Variants in FBXL13 observed in about 807,000 individuals in gnomAD.
FBXL13 encodes the protein F-box and leucine-rich repeat protein 13.
Under a neutral mutation model 83.6 loss-of-function variants are expected in FBXL13, and 67 were observed. The observed-to-expected ratio is 0.80, with a 90% CI of 0.66 to 0.98. The LOEUF is 0.98. FBXL13 is among the 50% of genes least tolerant of loss of function. The pLI is 0.00. For synonymous variants in FBXL13, 272 were observed against 299.5 expected (o/e 0.91, Z 0.95); for missense variants, 822 against 866.5 (o/e 0.95, Z 0.64).
intron 16 of FBXL13, among the ~76,000 whole-genome samples, chr7:102,862,783 T>C (rs1416822965): frequency 6.6e-6 from 1 of 152,236 alleles, no homozygotes; most frequent in East Asian, 1.9e-4. Flanking sequence ...AGCATCTTCC[T>C]TGTTTCTCAT....
At chr7:102,957,635 T>A (rs1042517834) in intron 8 of FBXL13, among the ~76,000 whole-genome samples, 1 of 151,980 alleles carries the variant, frequency 6.6e-6, no homozygotes, top group African/African-American at 2.4e-5. Context: ...AATCTACCCA[T>A]CTGACAAAGG....
At chr7:103,070,078 C>CAAAA (rs76010935) in intron 1 of FBXL13, among the ~76,000 whole-genome samples, 2 of 67,304 alleles carry the variant, frequency 3.0e-5, no homozygotes, top group African/African-American at 5.0e-5. Flanking sequence ...GACTCTGTCT[C>CAAAA]AAAAAAAAAA....
chr7:102,973,652 GT>G (rs750951421), intron 6 of FBXL13: 3 of 766,320 alleles, frequency 3.9e-6, no homozygotes, highest in Non-Finnish European at 7.2e-6. Context: ...TCCGGTCTTC[GT>G]CCCCCGTGGA....
At chr7:102,991,815 T>C (rs568020233) in intron 6 of FBXL13, among the ~76,000 whole-genome samples, 1 of 152,028 alleles carries the variant, frequency 6.6e-6, no homozygotes. Context: ...GAAAGAAAAA[T>C]ACTTAACAAG....
At chr7:102,996,818 G>T (rs531921941) in intron 6 of FBXL13, among the ~76,000 whole-genome samples, 1 of 152,270 alleles carries the variant, frequency 6.6e-6, no homozygotes, top group South Asian at 2.1e-4. Flanking sequence ...AGATCCTAAG[G>T]ACTGTGGACT....
intron 16 of FBXL13, among the ~76,000 whole-genome samples, chr7:102,866,753 T>C (rs1807710862): frequency 6.6e-6 from 1 of 152,168 alleles, no homozygotes; most frequent in Non-Finnish European, 1.5e-5. Flanking sequence ...CAATGTGGAA[T>C]TTAAAGAAGA....
chr7:102,926,295 C>T, exon 10 of FBXL13: 1 of 1,613,776 alleles, frequency 6.2e-7, no homozygotes. Flanking sequence ...TCGCATCGTC[C>T]TGTTGGTGAT....
chr7:102,906,983 G>T (rs1381507242), intron 11 of FBXL13, among the ~76,000 whole-genome samples: 8 of 150,634 alleles, frequency 5.3e-5, no homozygotes, highest in Admixed American at 3.3e-4. Context: ...TGTTTTTTTT[G>T]GTTTTTTGAG....
chr7:102,976,005 A>T (rs763173947), intron 6 of FBXL13: 1 of 766,422 alleles, frequency 1.3e-6, no homozygotes, highest in South Asian at 1.3e-5. Flanking sequence ...ACAATGCCCA[A>T]ACCCAGGTAA....
intron 8 of FBXL13, among the ~76,000 whole-genome samples, chr7:102,943,155 C>G (rs1821781440): frequency 1.3e-5 from 2 of 152,120 alleles, no homozygotes; most frequent in African/African-American, 2.4e-5. Context: ...AGGAATAGAA[C>G]CCTTCCCCCA....
chr7:102,934,431 C>T (rs1462096736), intron 8 of FBXL13: 10 of 1,614,168 alleles, frequency 6.2e-6, no homozygotes, highest in Admixed American at 1.7e-5. Context: ...GAGATAGAAA[C>T]GCTTATTTCA....
At chr7:103,027,554 A>C (rs7805950) in exon 5 of FBXL13, 1,592,077 of 1,600,878 alleles carry the variant, frequency 0.99, 792,049 homozygotes, top group East Asian at 1. Context: ...TCCGCAATAG[A>C]ATATCTGAAG....
chr7:103,044,698 T>C (rs951716016), intron 2 of FBXL13, among the ~76,000 whole-genome samples: 29 of 152,346 alleles, frequency 1.9e-4, no homozygotes, highest in African/African-American at 7.0e-4. Flanking sequence ...AAAAAGATTT[T>C]TTAAATTTTA....
At chr7:102,999,723 T>C (rs1585299517) in intron 6 of FBXL13, among the ~76,000 whole-genome samples, 3 of 152,340 alleles carry the variant, frequency 2.0e-5, no homozygotes, top group South Asian at 2.1e-4. Context: ...TACTCTCTAA[T>C]GATCCTTGGT....
At chr7:102,962,710 T>A (rs1450141732) in intron 8 of FBXL13, among the ~76,000 whole-genome samples, 1 of 151,976 alleles carries the variant, frequency 6.6e-6, no homozygotes, top group South Asian at 2.1e-4. Flanking sequence ...GAAATCATCA[T>A]TCTCAGTAAA....
chr7:102,963,750 CTAAT>C (rs1825645020), intron 7 of FBXL13, 85 bp from the exon 9 acceptor site: 4 of 1,307,404 alleles, frequency 3.1e-6, no homozygotes, highest in East Asian at 2.4e-5. Flanking sequence ...CAAATGTGAC[CTAAT>C]TAAACTAAAG....
intron 11 of FBXL13, among the ~76,000 whole-genome samples, chr7:102,905,684 C>A (rs1399143251): frequency 6.6e-6 from 1 of 152,002 alleles, no homozygotes; most frequent in Non-Finnish European, 1.5e-5. Context: ...GTTTTGTGGT[C>A]TTTTTCTTCT....
intron 6 of FBXL13, among the ~76,000 whole-genome samples, chr7:102,970,248 C>T (rs1246856602): frequency 1.3e-5 from 2 of 151,902 alleles, no homozygotes; most frequent in African/African-American, 4.8e-5. Context: ...AAGACTCTGT[C>T]TCAAAAAATA....
At chr7:102,912,671 A>AAC (rs1814922725) in intron 11 of FBXL13, among the ~76,000 whole-genome samples, 9 of 73,530 alleles carry the variant, frequency 1.2e-4, no homozygotes, top group Admixed American at 1.7e-4. Flanking sequence ...ATAGCATTTT[A>AAC]CCCCCCCCCC....
Sources: gnomAD v4.1 joint callset for allele counts (sites outside exome capture counted in the v4.1 genomes callset) on GRCh38, gnomAD v4.1.1 for gene constraint, MANE v1.5 for transcripts, NCBI Gene and HGNC (gene_info 2026-07-23, HGNC 2026-07-21) for gene names.